Variants in RABGAP1L observed in about 807,000 individuals in gnomAD.
RABGAP1L encodes RAB GTPase activating protein 1 like.
In RABGAP1L, 63 loss-of-function variants were observed where a neutral mutation model predicts 137.7. That is an observed-to-expected ratio of 0.46 (90% CI 0.37 to 0.56). The LOEUF (loss-of-function observed/expected upper bound fraction) is 0.56, where lower values mean the gene tolerates loss of function less well. RABGAP1L is among the 20% of genes least tolerant of loss of function. RABGAP1L has a pLI of 0.00. For missense variants in RABGAP1L, 1,095 were observed against 1,244.0 expected, an observed-to-expected ratio of 0.88 and a Z score of 1.80; for synonymous variants, 431 against 433.7, an observed-to-expected ratio of 0.99 and a Z score of 0.08.
intron 13 of RABGAP1L, among the ~76,000 whole-genome samples, chr1:174,424,305 G>A (rs1651699248): frequency 6.6e-6 from 1 of 152,058 alleles, no homozygotes; most frequent in South Asian, 2.1e-4. Flanking sequence ...TTTAGCTTAA[G>A]TAGAGATATT....
At chr1:174,436,836 A>G (rs975788098) in intron 13 of RABGAP1L, among the ~76,000 whole-genome samples, 6 of 152,002 alleles carry the variant, frequency 3.9e-5, no homozygotes, top group South Asian at 2.1e-4. Flanking sequence ...GGCAGACTGA[A>G]ACCTCACACA....
At chr1:174,329,311 C>T (rs974592167) in intron 11 of RABGAP1L, among the ~76,000 whole-genome samples, 2 of 152,140 alleles carry the variant, frequency 1.3e-5, no homozygotes, top group African/African-American at 4.8e-5. Flanking sequence ...TCTGAACAGA[C>T]TGATGTTGAG....
rs1574098760 is a variant in RABGAP1L at position 174,993,222 on chromosome 1, G to T, written c.*3221G>T. ...AAGAAATTCTGTTACTTAATGTTCT[G>T]TTTATTTATGAGTGCCTATCAGGAA... is the stretch of plus-strand genomic sequence containing the variant. On this transcript the variant is annotated 3_prime_UTR_variant, in exon 26 of 26. Coordinates refer to ENST00000681986, the MANE Select transcript of RABGAP1L (RefSeq NM_001366446.1). The T allele has an allele frequency of 6.6e-6, 1 of 152,120 alleles. No homozygotes were observed. Among genetic ancestry groups the T allele is most frequent in the Non-Finnish European group, 1.5e-5 (1 of 68,012 alleles). The allele number at this position is 152,120 out of a possible 1,614,324, so 9.4% of individuals were successfully genotyped here. A position where few individuals can be genotyped will look rare whatever the true frequency, so the allele number is the denominator to read the frequency against.
intron 13 of RABGAP1L, among the ~76,000 whole-genome samples, chr1:174,475,026 ATATT>A (rs1156750845): frequency 6.6e-6 from 1 of 152,090 alleles, no homozygotes; most frequent in Non-Finnish European, 1.5e-5. Context: ...GTTACAATAA[ATATT>A]TAAATATTAA....
At chr1:174,841,860 CTTT>C (rs757469241) in intron 19 of RABGAP1L, among the ~76,000 whole-genome samples, 1 of 144,652 alleles carries the variant, frequency 6.9e-6, no homozygotes. Flanking sequence ...GAATAACTTT[CTTT>C]TTTTTTTTTG....
chr1:174,483,249 C>A (rs1422380204), intron 13 of RABGAP1L, among the ~76,000 whole-genome samples: 1 of 151,866 alleles, frequency 6.6e-6, no homozygotes, highest in East Asian at 1.9e-4. Flanking sequence ...ATTTTTGTAC[C>A]CATTAACCAT....
chr1:174,686,648 CTTTTTTTTTTTTTTTT>C lies in RABGAP1L; in HGVS notation c.1899+3064_1899+3079del, dbSNP rs533716511. On this transcript the variant is annotated intron_variant, in intron 15 of 25. Coordinates refer to ENST00000681986, the MANE Select transcript of RABGAP1L (RefSeq NM_001366446.1). ...GAAGCTTTGGTTTGAACAAAGCAAT[CTTTTTTTTTTTTTTTT>C]TTTTTTTTTTTGAGATGGAGTCTCG... Among the ~76,000 whole-genome samples, 139 of 105,826 alleles carry C rather than the reference CTTTTTTTTTTTTTTTT, an allele frequency of 1.3e-3. 1 individual carries two copies. Among genetic ancestry groups the C allele is most frequent in the Non-Finnish European group, 2.1e-3 (98 of 47,676 alleles). 69.4% of individuals were successfully genotyped at this position (105,826 alleles called of 152,430 possible). A position where few individuals can be genotyped will look rare whatever the true frequency, so the allele number is the denominator to read the frequency against.
chr1:174,219,108 C>A lies in RABGAP1L; in HGVS notation c.-33-17C>A. On this transcript the variant is annotated splice_polypyrimidine_tract_variant and intron_variant, in intron 1 of 25. Coordinates refer to ENST00000681986, the MANE Select transcript of RABGAP1L (RefSeq NM_001366446.1). ...TAATCAGTAGGTTTTTTTTTTTAAT[C>A]CCTTTTGTTTTTCCAGGTGGTTGTG... 3.4e-6 allele frequency: 5 copies of A among 1,480,706 alleles called. No homozygotes were observed. The highest frequency in any genetic ancestry group is 4.5e-6 in the Non-Finnish European group (5 of 1,099,902). 91.7% of individuals were successfully genotyped at this position (1,480,706 alleles called of 1,614,324 possible). A position where few individuals can be genotyped will look rare whatever the true frequency, so the allele number is the denominator to read the frequency against.
intron 14 of RABGAP1L, among the ~76,000 whole-genome samples, chr1:174,678,127 T>C (rs1677776098): frequency 6.6e-6 from 1 of 152,150 alleles, no homozygotes; most frequent in African/African-American, 2.4e-5. Context: ...TTTATGTCAG[T>C]AACCTTAACA....
At chr1:174,931,163 T>C (rs1663729619) in intron 19 of RABGAP1L, among the ~76,000 whole-genome samples, 1 of 152,218 alleles carries the variant, frequency 6.6e-6, no homozygotes, top group Non-Finnish European at 1.5e-5. Flanking sequence ...GTGATGGGAA[T>C]GAATATGTGT....
intron 17 of RABGAP1L, among the ~76,000 whole-genome samples, chr1:174,749,584 T>A (rs1023341224): frequency 1.3e-5 from 2 of 152,034 alleles, no homozygotes; most frequent in Non-Finnish European, 2.9e-5. Context: ...GTTGAAAGAG[T>A]TGTTATTATC....
chr1:174,215,878 A>G (rs1207073288), intron 1 of RABGAP1L, among the ~76,000 whole-genome samples: 3 of 148,634 alleles, frequency 2.0e-5, no homozygotes, highest in South Asian at 2.1e-4. Flanking sequence ...CACTACTCAC[A>G]GCAGCCAAGA....
chr1:174,771,867 C>T (rs1686135286), intron 18 of RABGAP1L, among the ~76,000 whole-genome samples: 1 of 152,218 alleles, frequency 6.6e-6, no homozygotes, highest in Non-Finnish European at 1.5e-5. Context: ...ATTTATTGAG[C>T]ACTTAAAATG....
Position 174,221,167 on chromosome 1 carries a change from A to G in RABGAP1L, c.331+3A>G, listed in dbSNP as rs775121528. 7 of 1,557,848 alleles carry G rather than the reference A, an allele frequency of 4.5e-6. No homozygotes were observed. The East Asian group carries it at 9.3e-5, about 21-fold the overall frequency. ...AATTTTGGATCCGTCTAACACAGGTACTGTATTGAATTCTTAGAAACTATT... is the reference window on the plus strand; with the variant it reads ...AATTTTGGATCCGTCTAACACAGGTGCTGTATTGAATTCTTAGAAACTATT... On this transcript the variant is annotated splice_donor_region_variant and intron_variant, in intron 3 of 25. Transcript: ENST00000681986.
intron 11 of RABGAP1L, among the ~76,000 whole-genome samples, chr1:174,332,537 A>C (rs1006722492): frequency 1.3e-5 from 2 of 152,154 alleles, no homozygotes; most frequent in Non-Finnish European, 2.9e-5. Context: ...CTGTGATTAC[A>C]GATGTGCACC....
Position 174,490,788 on chromosome 1 carries a change from G to A in RABGAP1L, c.1710+96643G>A, listed in dbSNP as rs151006088. Among the ~76,000 whole-genome samples the A allele has an allele frequency of 1.6e-4, 25 of 152,140 alleles. No individual in the cohort carries two copies. The South Asian group carries it at 3.1e-3, about 19-fold the overall frequency. ...TGCCTGAGCCTAAGCCACGAGTCACGGTTTTTCCCGTTCTTCCCTCCTCTT... is the reference window on the plus strand; with the variant it reads ...TGCCTGAGCCTAAGCCACGAGTCACAGTTTTTCCCGTTCTTCCCTCCTCTT... On this transcript the variant is annotated intron_variant, in intron 13 of 25. Transcript: ENST00000681986.
chr1:174,633,483 C>G (rs1673623871), intron 13 of RABGAP1L, among the ~76,000 whole-genome samples: 1 of 151,512 alleles, frequency 6.6e-6, no homozygotes, highest in Non-Finnish European at 1.5e-5. Context: ...GATTCAGTGC[C>G]ATCCCCATCA....
At chr1:174,518,297 G>T (rs1482319025) in intron 13 of RABGAP1L, among the ~76,000 whole-genome samples, 1 of 152,068 alleles carries the variant, frequency 6.6e-6, no homozygotes, top group East Asian at 1.9e-4. Context: ...ATCTAGGGGG[G>T]ATTGGTTTCA....
At chr1:174,695,259 T>A (rs1303573311) in intron 15 of RABGAP1L, among the ~76,000 whole-genome samples, 1 of 152,176 alleles carries the variant, frequency 6.6e-6, no homozygotes, top group Non-Finnish European at 1.5e-5. Flanking sequence ...CTTTTGAGGC[T>A]ATTTTCTAGA....
Sources: gnomAD v4.1 joint callset for allele counts (sites outside exome capture counted in the v4.1 genomes callset) on GRCh38, gnomAD v4.1.1 for gene constraint, MANE v1.5 for transcripts, NCBI Gene and HGNC (gene_info 2026-07-23, HGNC 2026-07-21) for gene names.